The following B3GALT1 variants were observed in gnomAD, a reference collection of about 807,000 sequenced individuals.
B3GALT1 encodes UDP-Gal:betaGlcNAc beta 1,3-galactosyltransferase, polypeptide 1.
B3GALT1 carries 10 observed loss-of-function variants against 23.2 expected under a neutral mutation model. That is an observed-to-expected ratio of 0.43 (90% CI 0.27 to 0.73). The LOEUF is 0.73. Ranked by LOEUF, B3GALT1 falls within the 30% of genes least tolerant of loss-of-function variation. The pLI is 0.21. For missense variants in B3GALT1, 299 were observed against 405.4 expected (o/e 0.74, Z 2.25); for synonymous variants, 156 against 141.5 (o/e 1.10, Z -0.73).
intron 1 of B3GALT1, among the ~76,000 whole-genome samples, chr2:167,364,900 C>T (rs1697563476): frequency 6.6e-6 from 1 of 152,120 alleles, no homozygotes; most frequent in Non-Finnish European, 1.5e-5. Context: ...ACTGTTATCT[C>T]TGGGAGTGTT....
intron 4 of B3GALT1, among the ~76,000 whole-genome samples, chr2:167,849,387 A>G (rs1024272154): frequency 2.0e-5 from 3 of 152,206 alleles, no homozygotes; most frequent in African/African-American, 7.2e-5. Context: ...ATAGGCACAT[A>G]GACCGATGGA....
Position 167,512,607 on chromosome 2 carries a change from TGTATATATATATAC to T in B3GALT1, c.-410+22333_-410+22346del, listed in dbSNP as rs1558887856. On this transcript the variant is annotated intron_variant, in intron 2 of 4. Coordinates refer to ENST00000392690, the MANE Select transcript of B3GALT1 (RefSeq NM_020981.4). ...ATATATATATGTGTATATATATATA[TGTATATATATATAC>T]GTGTATATATATATACATATATATA... Among the ~76,000 whole-genome samples, 43 of 80,234 alleles carry T rather than the reference TGTATATATATATAC, an allele frequency of 5.4e-4. 3 individuals are homozygous for T. Among genetic ancestry groups the T allele is most frequent in the East Asian group, 1.8e-3 (2 of 1,090 alleles). The allele number at this position is 80,234 out of a possible 152,430, so 52.6% of individuals were successfully genotyped here.
intron 3 of B3GALT1, among the ~76,000 whole-genome samples, chr2:167,778,681 C>T (rs1195971242): frequency 6.6e-6 from 1 of 152,078 alleles, no homozygotes; most frequent in Non-Finnish European, 1.5e-5. Context: ...AACTTATGTC[C>T]TTTTAACAAA....
intron 1 of B3GALT1, among the ~76,000 whole-genome samples, chr2:167,479,247 T>C (rs1699529703): frequency 6.6e-6 from 1 of 152,158 alleles, no homozygotes; most frequent in Non-Finnish European, 1.5e-5. Flanking sequence ...CAGGCAAAGG[T>C]TTAGTTCCAA....
At chr2:167,671,455 C>T (rs1228397768) in intron 3 of B3GALT1, among the ~76,000 whole-genome samples, 1 of 151,982 alleles carries the variant, frequency 6.6e-6, no homozygotes, top group Non-Finnish European at 1.5e-5. Context: ...GAAATCATAT[C>T]AAATATATTT....
intron 2 of B3GALT1, among the ~76,000 whole-genome samples, chr2:167,591,890 G>T (rs921432141): frequency 8.5e-5 from 13 of 152,098 alleles, no homozygotes; most frequent in African/African-American, 3.1e-4. Flanking sequence ...TGACCCAAAG[G>T]TGAGATGATT....
At chr2:167,337,409 C>G (rs1697077152) in intron 1 of B3GALT1, among the ~76,000 whole-genome samples, 1 of 151,998 alleles carries the variant, frequency 6.6e-6, no homozygotes, top group East Asian at 1.9e-4. Flanking sequence ...CCCACACACA[C>G]CACAATAAAA....
chr2:167,294,665 G>A (rs1465977570), intron 1 of B3GALT1, among the ~76,000 whole-genome samples: 1 of 152,196 alleles, frequency 6.6e-6, no homozygotes, highest in African/African-American at 2.4e-5. Flanking sequence ...CAGATGGGGC[G>A]AGGCTCCGGT....
intron 1 of B3GALT1, among the ~76,000 whole-genome samples, chr2:167,443,156 C>G (rs1452552054): frequency 1.1e-4 from 16 of 151,574 alleles, no homozygotes; most frequent in East Asian, 1.9e-4. Flanking sequence ...GCTTGTTTTT[C>G]TCAGGTTTGT....
At chr2:167,602,852 T>C (rs376342858) in intron 2 of B3GALT1, among the ~76,000 whole-genome samples, 61 of 152,266 alleles carry the variant, frequency 4.0e-4, no homozygotes, top group African/African-American at 1.4e-3. Context: ...GGCTATTTAG[T>C]AGGCTGGTCC....
chr2:167,806,769 A>C (rs1050532726), intron 3 of B3GALT1, among the ~76,000 whole-genome samples: 1 of 152,132 alleles, frequency 6.6e-6, no homozygotes, highest in African/African-American at 2.4e-5. Context: ...TATTGGTCTA[A>C]AATTCTCTTT....
intron 3 of B3GALT1, among the ~76,000 whole-genome samples, chr2:167,702,361 G>A (rs1010802415): frequency 5.9e-5 from 9 of 152,220 alleles, no homozygotes; most frequent in African/African-American, 9.6e-5. Flanking sequence ...AAATGTTCTC[G>A]ATGAAGCAAT....
intron 1 of B3GALT1, among the ~76,000 whole-genome samples, chr2:167,304,647 A>C (rs1696519446): frequency 6.6e-6 from 1 of 151,232 alleles, no homozygotes; most frequent in East Asian, 1.9e-4. Flanking sequence ...AGACAGAGAG[A>C]GGAGAGAGAG....
intron 2 of B3GALT1, among the ~76,000 whole-genome samples, chr2:167,514,589 G>A (rs1270755214): frequency 2.0e-5 from 3 of 152,176 alleles, no homozygotes; most frequent in Admixed American, 2.0e-4. Flanking sequence ...TTTATTTGGA[G>A]CTGAGACCTA....
intron 1 of B3GALT1, among the ~76,000 whole-genome samples, chr2:167,357,723 A>G (rs931496868): frequency 2.0e-5 from 3 of 152,202 alleles, no homozygotes; most frequent in Non-Finnish European, 4.4e-5. Flanking sequence ...TGAAGTTGCT[A>G]TTTGGAAAAT....
At chr2:167,809,520 C>T (rs1295925890) in intron 3 of B3GALT1, among the ~76,000 whole-genome samples, 1 of 152,212 alleles carries the variant, frequency 6.6e-6, no homozygotes, top group Non-Finnish European at 1.5e-5. Context: ...CCCTCAGCTG[C>T]AGGTCTGTTA....
intron 3 of B3GALT1, among the ~76,000 whole-genome samples, chr2:167,737,175 T>G (rs1379198764): frequency 2.6e-5 from 4 of 152,224 alleles, no homozygotes; most frequent in Non-Finnish European, 5.9e-5. Flanking sequence ...GAGCTTACAT[T>G]CATTGAATAT....
intron 2 of B3GALT1, among the ~76,000 whole-genome samples, chr2:167,565,467 A>G (rs1334343671): frequency 6.6e-6 from 1 of 152,228 alleles, no homozygotes; most frequent in East Asian, 1.9e-4. Flanking sequence ...CATGTCTAAA[A>G]CACCAAAAGC....
At chr2:167,836,794 A>T (rs1433038893) in intron 4 of B3GALT1, among the ~76,000 whole-genome samples, 1 of 152,240 alleles carries the variant, frequency 6.6e-6, no homozygotes, top group East Asian at 1.9e-4. Context: ...GGGTTACCCC[A>T]CAAAGGGAAG....
Sources: allele counts gnomAD v4.1 joint callset (sites outside exome capture counted in the v4.1 genomes callset), GRCh38; gene constraint gnomAD v4.1.1; transcripts MANE v1.5; gene names NCBI Gene and HGNC (gene_info 2026-07-23, HGNC 2026-07-21).